STK33: variants seen among roughly 807,000 people sequenced by gnomAD.
The protein encoded by STK33 is serine/threonine kinase 33.
A neutral mutation model predicts 58.0 loss-of-function variants in STK33; 52 were observed. The observed-to-expected ratio is 0.90, with a 90% CI of 0.72 to 1.13. STK33 has a LOEUF of 1.13. Among genes scored for constraint, STK33 ranks in the 50% most tolerant of loss-of-function variants. The pLI is 0.00. For synonymous variants in STK33, 215 were observed against 200.1 expected, an observed-to-expected ratio of 1.07 and a Z score of -0.63; for missense variants, 630 against 604.2, an observed-to-expected ratio of 1.04 and a Z score of -0.45.
intron 8 of STK33, among the ~76,000 whole-genome samples, chr11:8,458,206 T>C (rs1015350290): frequency 5.3e-5 from 8 of 152,242 alleles, no homozygotes; most frequent in African/African-American, 7.2e-5. Flanking sequence ...TCAGACCCAA[T>C]AGCAAATATT....
chr11:8,407,392 A>C (rs1333033082), intron 15 of STK33, among the ~76,000 whole-genome samples: 1 of 152,106 alleles, frequency 6.6e-6, no homozygotes, highest in African/African-American at 2.4e-5. Context: ...TATTCTCAAG[A>C]GTTGGTGTAT....
the STK33 span, among the ~76,000 whole-genome samples, chr11:8,381,462 G>C: frequency 6.6e-6 from 1 of 152,134 alleles, no homozygotes; most frequent in Non-Finnish European, 1.5e-5. Flanking sequence ...GACAGCTGCT[G>C]GGGCTGTGAG....
chr11:8,367,966 C>T, the STK33 span, among the ~76,000 whole-genome samples: 2 of 152,132 alleles, frequency 1.3e-5, no homozygotes, highest in African/African-American at 2.4e-5. Flanking sequence ...AGAGCTCTGG[C>T]TCAGCCCTAG....
intron 1 of STK33, among the ~76,000 whole-genome samples, chr11:8,523,064 G>A (rs542209775): frequency 6.6e-6 from 1 of 152,382 alleles, no homozygotes; most frequent in East Asian, 1.9e-4. Context: ...GAGCTGCCGG[G>A]ATTGCAGACG....
chr11:8,551,046 G>A (rs965599106), intron 1 of STK33, among the ~76,000 whole-genome samples: 1 of 152,140 alleles, frequency 6.6e-6, no homozygotes, highest in African/African-American at 2.4e-5. Context: ...AATCATGACA[G>A]AAGGCAAGGA....
At chr11:8,392,823 T>C in intron 15 of STK33, 113 bp from the exon 16 acceptor site, 1 of 968,962 alleles carries the variant, frequency 1.0e-6, no homozygotes, top group Non-Finnish European at 1.6e-6. Flanking sequence ...CCTCTCTAGA[T>C]ATAGGGTCCA....
At chr11:8,432,811 C>T (rs925017153) in intron 14 of STK33, among the ~76,000 whole-genome samples, 16 of 152,192 alleles carry the variant, frequency 1.1e-4, no homozygotes, top group Non-Finnish European at 2.9e-5. Flanking sequence ...TTGTAAAATG[C>T]CAGTATTCTA....
At chr11:8,563,099 C>A (rs1957224170) in intron 1 of STK33, among the ~76,000 whole-genome samples, 1 of 152,096 alleles carries the variant, frequency 6.6e-6, no homozygotes. Context: ...ACTTAAGTCG[C>A]CTCCCATAGT....
Position 8,413,577 on chromosome 11 carries a change from G to A in STK33, c.1262C>T (p.Thr421Ile). The A allele has an allele frequency of 1.2e-6, 2 of 1,614,012 alleles. No homozygotes were observed. Among genetic ancestry groups the A allele is most frequent in the Non-Finnish European group, 1.7e-6 (2 of 1,179,976 alleles). The change falls in exon 15 of 16, where the codon ACT becomes ATT. Residue 421 changes from threonine to isoleucine, a missense_variant. By Grantham distance (89) the Thr-to-Ile change is moderately conservative (BLOSUM62 -1). Transcript: ENST00000687296. ...TTGGTAACTTTTCAACTTTTCTTCA[G>A]TGGACGGCTTATTCTTCTCTTCTGT... is the stretch of plus-strand genomic sequence containing the variant. The part of the protein sequence containing the change: ...NTTEEKNKPS[T>I]EEKLKSYQPW...
intron 1 of STK33, among the ~76,000 whole-genome samples, chr11:8,537,540 G>A (rs1955132061): frequency 6.6e-6 from 1 of 152,102 alleles, no homozygotes; most frequent in Admixed American, 6.6e-5. Context: ...CAATCAAGTT[G>A]AGATTTCCCT....
intron 15 of STK33, among the ~76,000 whole-genome samples, chr11:8,409,912 C>T (rs1939919508): frequency 6.6e-6 from 1 of 151,800 alleles, no homozygotes; most frequent in African/African-American, 2.4e-5. Context: ...AGAGACTTGC[C>T]GAACATCATA....
At chr11:8,479,869 G>A (rs540107076) in intron 2 of STK33, among the ~76,000 whole-genome samples, 2 of 152,068 alleles carry the variant, frequency 1.3e-5, no homozygotes, top group South Asian at 2.1e-4. Context: ...AAAAAAATAA[G>A]CAACCAGAAG....
chr11:8,413,555 G>A lies in STK33; in HGVS notation c.1284C>T (p.Tyr428=). ...CATCAGGGACATTTCCCCAGGGTTG[G>A]TAACTTTTCAACTTTTCTTCAGTGG... ...KPSTEEKLKS[Y]QPWGNVPDAN... Residue 428 remains tyrosine, a synonymous_variant, in exon 15 of 16, where the codon TAC becomes TAT. Transcript: ENST00000687296. The A allele has an allele frequency of 5.0e-6, 8 of 1,613,972 alleles. No individual in the cohort carries two copies. The highest frequency in any genetic ancestry group is 6.8e-6 in the Non-Finnish European group (8 of 1,179,926).
the STK33 span, among the ~76,000 whole-genome samples, chr11:8,378,061 A>C: frequency 1.3e-5 from 2 of 152,210 alleles, no homozygotes; most frequent in African/African-American, 2.4e-5. Context: ...ACTATGAAGA[A>C]ATACTCAAGA....
chr11:8,443,730 G>T lies in STK33; in HGVS notation c.872-2977C>A, dbSNP rs542554938. ...TAAAAAACAAACCACTAGCCACAGT[G>T]GCTCATACCTATAATCCCAGCACTT... is the stretch of plus-strand genomic sequence containing the variant. On this transcript the variant is annotated intron_variant, in intron 11 of 15. Transcript: ENST00000687296. Among the ~76,000 whole-genome samples the T allele has an allele frequency of 1.7e-3, 266 of 152,300 alleles. 3 individuals are homozygous for T. The highest frequency in any genetic ancestry group is 2.9e-3 in the Admixed American group (45 of 15,304).
chr11:8,434,844 C>A (rs1183724716), intron 14 of STK33, among the ~76,000 whole-genome samples: 1 of 152,176 alleles, frequency 6.6e-6, no homozygotes, highest in Non-Finnish European at 1.5e-5. Flanking sequence ...GGGGAAGAGC[C>A]TTTTAACTGG....
intron 1 of STK33, among the ~76,000 whole-genome samples, chr11:8,550,272 T>C (rs181264007): frequency 5.3e-4 from 81 of 152,250 alleles, no homozygotes; most frequent in Non-Finnish European, 1.1e-3. Context: ...TTCAGGGTGA[T>C]CTTTTGTAAT....
intron 11 of STK33, among the ~76,000 whole-genome samples, chr11:8,449,435 A>G (rs1233590066): frequency 2.0e-5 from 3 of 151,716 alleles, no homozygotes; most frequent in Non-Finnish European, 4.4e-5. Flanking sequence ...CATATACACT[A>G]TGGAATACTA....
chr11:8,354,472 C>A, the STK33 span, among the ~76,000 whole-genome samples: 1 of 55,988 alleles, frequency 1.8e-5, no homozygotes, highest in Admixed American at 2.3e-4. Context: ...GTCTGCAAAA[C>A]CTCACACACA....
Sources: gnomAD v4.1 joint callset for allele counts (sites outside exome capture counted in the v4.1 genomes callset) on GRCh38, gnomAD v4.1.1 for gene constraint, MANE v1.5 for transcripts, NCBI Gene and HGNC (gene_info 2026-07-23, HGNC 2026-07-21) for gene names.